DNAH5: variants seen among roughly 807,000 people sequenced by gnomAD.
DNAH5 encodes axonemal beta dynein heavy chain 5.
A neutral mutation model predicts 518.2 loss-of-function variants in DNAH5; 372 were observed. That is an observed-to-expected ratio of 0.72 (90% CI 0.66 to 0.78). DNAH5 has a LOEUF of 0.78. Ranked by LOEUF, DNAH5 falls within the 30% of genes least tolerant of loss-of-function variation. The pLI is 0.00. For missense variants in DNAH5, 5,523 were observed against 5,687.0 expected, an observed-to-expected ratio of 0.97 and a Z score of 0.93; for synonymous variants, 2,039 against 2,025.9, an observed-to-expected ratio of 1.01 and a Z score of -0.17.
intron 62 of DNAH5, among the ~76,000 whole-genome samples, 192 bp from the exon 63 acceptor site, chr5:13,753,741 G>T: frequency 6.6e-6 from 1 of 152,122 alleles, no homozygotes; most frequent in East Asian, 1.9e-4. Flanking sequence ...GGTCCAAGTG[G>T]CCTACCAAGT....
chr5:13,831,697 T>A (rs746996004), intron 35 of DNAH5, among the ~76,000 whole-genome samples: 3 of 152,196 alleles, frequency 2.0e-5, no homozygotes, highest in Non-Finnish European at 2.9e-5. Context: ...GGAAAAGATC[T>A]GGTCATGAAA....
At chr5:13,985,680 A>T (rs1204103928) in intron 1 of DNAH5, among the ~76,000 whole-genome samples, 1 of 152,172 alleles carries the variant, frequency 6.6e-6, no homozygotes, top group Non-Finnish European at 1.5e-5. Context: ...AAAACTGACC[A>T]GCACCTGAAC....
chr5:13,776,822 GA>G, intron 54 of DNAH5, 116 bp from the exon 55 acceptor site: 1 of 1,156,314 alleles, frequency 8.6e-7, no homozygotes, highest in Non-Finnish European at 1.3e-6. Flanking sequence ...CTCACCTACA[GA>G]AAATTGAAAG....
At chr5:13,805,651 T>G (rs1198352170) in intron 47 of DNAH5, among the ~76,000 whole-genome samples, 2 of 152,214 alleles carry the variant, frequency 1.3e-5, no homozygotes, top group Non-Finnish European at 2.9e-5. Context: ...TAGCACATCC[T>G]GAGGACAGGG....
chr5:13,908,300 A>G (rs562323995), intron 12 of DNAH5, among the ~76,000 whole-genome samples: 2 of 152,240 alleles, frequency 1.3e-5, no homozygotes, highest in Admixed American at 1.3e-4. Context: ...AAACATCTAC[A>G]TTTTTTCACT....
chr5:13,978,225 C>T (rs1418440474), intron 1 of DNAH5, among the ~76,000 whole-genome samples: 1 of 152,202 alleles, frequency 6.6e-6, no homozygotes, highest in Non-Finnish European at 1.5e-5. Context: ...TTCATGTGCC[C>T]ACTCAGCCAG....
chr5:13,693,040 C>T (rs13354795), intron 78 of DNAH5, among the ~76,000 whole-genome samples: 1,623 of 152,254 alleles, frequency 0.011, 33 homozygotes, highest in African/African-American at 0.037. Flanking sequence ...CCACTCTGCC[C>T]ACAGTAGTTT....
chr5:13,774,419 G>A (rs556491728), intron 55 of DNAH5, among the ~76,000 whole-genome samples: 1 of 152,220 alleles, frequency 6.6e-6, no homozygotes, highest in African/African-American at 2.4e-5. Context: ...CCATAAGAAT[G>A]GACCAGGCAG....
intron 18 of DNAH5, 21 bp from the exon 19 acceptor site, chr5:13,885,249 T>G (rs1027787814): frequency 1.2e-6 from 2 of 1,612,862 alleles, no homozygotes; most frequent in African/African-American, 2.7e-5. Flanking sequence ...ATGAAAGAGA[T>G]AGAGATAGAG....
intron 1 of DNAH5, among the ~76,000 whole-genome samples, chr5:13,983,421 G>C (rs1229494109): frequency 6.6e-6 from 1 of 152,134 alleles, no homozygotes. Context: ...CCTTTGTGTG[G>C]GGAGGTTATA....
At chr5:13,830,494 T>C (rs1356923841) in intron 36 of DNAH5, 103 bp downstream of exon 36, 9 of 1,418,858 alleles carry the variant, frequency 6.3e-6, no homozygotes, top group African/African-American at 1.4e-5. Context: ...TTTTACAAAG[T>C]TGAAAATGAT....
Position 13,824,220 on chromosome 5 carries a change from C to T in DNAH5, c.6558G>A (p.Arg2186=). 6.2e-7 allele frequency: 1 copy of T among 1,613,992 alleles called. No individual in the cohort carries two copies. The highest frequency in any genetic ancestry group is 8.5e-7 in the Non-Finnish European group (1 of 1,179,964). The part of the protein sequence containing the change: ...TESTIVMRVL[R]DMNLSKLIDE... The stretch of plus-strand genomic sequence containing the variant: ...TTACCAGTTTAGAAAGATTCATGTC[C>T]CGTAGTACACGCATGACAATCGTGG... The change falls in exon 39 of 79, where the codon CGG becomes CGA. Residue 2186 remains arginine, a synonymous_variant. Coordinates refer to ENST00000265104, the MANE Select transcript of DNAH5 (RefSeq NM_001369.3).
intron 31 of DNAH5, among the ~76,000 whole-genome samples, chr5:13,848,676 TA>T (rs1436369668): frequency 6.6e-6 from 1 of 152,140 alleles, no homozygotes; most frequent in Non-Finnish European, 1.5e-5. Flanking sequence ...GTACGCAACC[TA>T]GATCCCTCGC....
At chr5:13,733,403 C>T (rs761145614) in intron 68 of DNAH5, among the ~76,000 whole-genome samples, 3 of 152,134 alleles carry the variant, frequency 2.0e-5, no homozygotes, top group Non-Finnish European at 2.9e-5. Context: ...TTGAGAACGA[C>T]AGGAACAACA....
chr5:13,829,043 C>T (rs546538067), intron 38 of DNAH5, among the ~76,000 whole-genome samples: 1 of 152,276 alleles, frequency 6.6e-6, no homozygotes, highest in Admixed American at 6.5e-5. Flanking sequence ...ACTATGAAAC[C>T]TCATGATGCC....
rs760595654 is a variant in DNAH5, at chr5:13,776,688, G to A, written c.9124C>T (p.Arg3042Ter). Residue 3042 changes from arginine to a stop codon, truncating the protein, a stop_gained, in exon 55 of 79, where the codon CGA (arginine) becomes TGA (stop). Coordinates refer to ENST00000265104, the MANE Select transcript of DNAH5 (RefSeq NM_001369.3). LOFTEE classifies it high-confidence loss of function. ...CTATTAATTTCATCAATTTCATCTC[G>A]AGCAAATAGGTTAGAGACCTTAAAA... ...SSGEVSNLFA[R>*]DEIDEINSDL... 6.2e-6 allele frequency: 10 copies of A among 1,613,564 alleles called. No homozygotes were observed. The highest frequency in any genetic ancestry group is 2.2e-5 in the East Asian group (1 of 44,860).
At chr5:13,918,245 T>A (rs1776858777) in intron 7 of DNAH5, among the ~76,000 whole-genome samples, 1 of 152,162 alleles carries the variant, frequency 6.6e-6, no homozygotes, top group South Asian at 2.1e-4. Flanking sequence ...GAGAGGCCCA[T>A]GTGGGAAGGA....
At chr5:13,956,643 A>G (rs116195733) in intron 1 of DNAH5, among the ~76,000 whole-genome samples, 2,209 of 152,346 alleles carry the variant, frequency 0.014, 53 homozygotes, top group African/African-American at 0.05. Context: ...GTTAGACAGA[A>G]GAGAGAAACT....
At chr5:13,781,088 A>C in intron 52 of DNAH5, 129 bp from the exon 53 acceptor site, 1 of 1,064,622 alleles carries the variant, frequency 9.4e-7, no homozygotes, top group Non-Finnish European at 1.4e-6. Context: ...ATCAGACTGG[A>C]GACACACTGG....
Sources: allele counts gnomAD v4.1 joint callset (sites outside exome capture counted in the v4.1 genomes callset), GRCh38; gene constraint gnomAD v4.1.1; transcripts MANE v1.5; gene names NCBI Gene and HGNC (gene_info 2026-07-23, HGNC 2026-07-21).